CD163L1: variants seen among roughly 807,000 people sequenced by gnomAD.
The protein encoded by CD163L1 is CD163 molecule like 1, also known as scavenger receptor cysteine-rich type 1 protein M160.
CD163L1 carries 124 observed loss-of-function variants against 165.4 expected under a neutral mutation model. The observed-to-expected ratio is 0.75, with a 90% CI of 0.65 to 0.87. CD163L1 has a LOEUF of 0.87. CD163L1 is among the 40% of genes least tolerant of loss of function. The probability of loss-of-function intolerance (pLI) is 0.00; values close to 1 mark genes in which losing one functional copy is unlikely to be tolerated. For missense variants in CD163L1, 1,525 were observed against 1,799.9 expected (o/e 0.85, Z 2.76); for synonymous variants, 585 against 662.2 (o/e 0.88, Z 1.79).
the CD163L1 span, chr12:7,327,139 A>T: frequency 1.0e-5 from 16 of 1,546,144 alleles, no homozygotes; most frequent in Non-Finnish European, 1.4e-5. Flanking sequence ...TTACCAAACT[A>T]GGGTCTAAGC....
chr12:7,342,491 C>G (rs1272316177), downstream of CD163L1, among the ~76,000 whole-genome samples: 1 of 152,208 alleles, frequency 6.6e-6, no homozygotes. Flanking sequence ...GTTCGAGGCT[C>G]TCAGCTCTGA....
Position 7,368,176 on chromosome 12 carries a change from G to T in CD163L1, c.4094C>A (p.Ser1365Tyr), listed in dbSNP as rs1028328969. Residue 1365 changes from serine (S) to tyrosine (Y), a missense_variant, in exon 17 of 20, where the codon TCC becomes TAC. Transcript: ENST00000313599. The surrounding 1 kb of genome is among the most constrained non-coding windows in gnomAD (Gnocchi z 4.3). ...ASSGHLALIL[S>Y]SIFGLLLLVL... ...CAGGAGAAGGAGCCCAAAGATACTG[G>T]ATAAAATAAGTGCTAAATGACCTGT... The T allele has an allele frequency of 6.3e-7, 1 of 1,599,268 alleles. No homozygotes were observed. Among genetic ancestry groups the T allele is most frequent in the Non-Finnish European group, 8.6e-7 (1 of 1,166,914 alleles).
intron 2 of CD163L1, among the ~76,000 whole-genome samples, chr12:7,437,131 TTTTA>T (rs201003305): frequency 0.14 from 15,982 of 114,994 alleles, 1,647 homozygotes; most frequent in African/African-American, 0.38. Context: ...TTTTTATTTA[TTTTA>T]TTTATTATTT....
intron 18 of CD163L1, 97 bp from the exon 19 acceptor site, chr12:7,357,583 T>A (rs888622797): frequency 3.3e-6 from 3 of 917,724 alleles, no homozygotes; most frequent in African/African-American, 1.6e-5. Flanking sequence ...TGGGAAAGTA[T>A]AATAGAGCAA....
At chr12:7,434,221 C>G (rs375322190) in intron 2 of CD163L1, among the ~76,000 whole-genome samples, 208 of 152,116 alleles carry the variant, frequency 1.4e-3, no homozygotes, top group African/African-American at 4.9e-3. Flanking sequence ...CAACAATAGG[C>G]CTTGCAGGAG....
At chr12:7,397,083 A>G (rs7484514) in intron 7 of CD163L1, among the ~76,000 whole-genome samples, 13,944 of 152,266 alleles carry the variant, frequency 0.092, 844 homozygotes, top group South Asian at 0.18. Flanking sequence ...TAAAGAGGGC[A>G]CTGATAATCC....
intron 4 of CD163L1, among the ~76,000 whole-genome samples, chr12:7,425,376 A>T (rs1948523439): frequency 6.6e-6 from 1 of 152,226 alleles, no homozygotes. Context: ...AAAATCATAC[A>T]AACCCTAGAA....
the CD163L1 span, chr12:7,323,124 G>A: frequency 2.4e-5 from 23 of 955,340 alleles, no homozygotes; most frequent in African/African-American, 8.3e-5. Flanking sequence ...CAGAAGGTGC[G>A]CCTGCATACC....
chr12:7,380,372 T>C (rs7959098), intron 8 of CD163L1, among the ~76,000 whole-genome samples: 3,123 of 144,466 alleles, frequency 0.022, 45 homozygotes, highest in African/African-American at 0.044. Context: ...CGCGTATACA[T>C]ACATGTATGT....
At position 7,373,601 on chromosome 12, in the gene CD163L1, T is replaced by C; in HGVS notation, c.3449A>G (p.Glu1150Gly). The C allele has an allele frequency of 6.2e-7, 1 of 1,611,478 alleles. No homozygotes were observed. The highest frequency in any genetic ancestry group is 8.5e-7 in the Non-Finnish European group (1 of 1,177,958). ...ALRLYSETET[E>G]SCAGRLEVFY... is the part of the protein sequence containing the mutation. ...GACTTCCAATCTCCCAGCACAGCTCTCTGTTTCAGTTTCACTGTAGAGCCT... is the reference window on the plus strand; with the variant it reads ...GACTTCCAATCTCCCAGCACAGCTCCCTGTTTCAGTTTCACTGTAGAGCCT... Residue 1150 changes from glutamate (E) to glycine (G), a missense_variant, in exon 14 of 20, where the codon GAG (glutamate) becomes GGG (glycine). Glu to Gly is a moderately conservative substitution (Grantham distance 98, BLOSUM62 -2). Coordinates refer to ENST00000313599, the MANE Select transcript of CD163L1 (RefSeq NM_174941.6).
rs982333868 is a variant in CD163L1, at chr12:7,367,996, T to A, written c.4183+91A>T. ...AATCCATCTCACTCAAAGTGGCAAG[T>A]GCATTTCTTCCATTCTGCAAGAATC... On this transcript the variant is annotated intron_variant, in intron 17 of 19. Coordinates refer to ENST00000313599, the MANE Select transcript of CD163L1 (RefSeq NM_174941.6). 2.0e-5 allele frequency: 15 copies of A among 762,908 alleles called. No individual in the cohort carries two copies. In the East Asian group the frequency reaches 3.7e-4, roughly 19 times the overall value. The allele number at this position is 762,908 out of a possible 1,614,324, so 47.3% of individuals were successfully genotyped here. A position where few individuals can be genotyped will look rare whatever the true frequency, so the allele number is the denominator to read the frequency against.
chr12:7,399,245 TTCTC>T (rs1026520535), intron 6 of CD163L1, among the ~76,000 whole-genome samples: 2 of 151,136 alleles, frequency 1.3e-5, no homozygotes, highest in Admixed American at 6.6e-5. Flanking sequence ...TCATTCTTCT[TTCTC>T]TCTCTTCTTT....
rs773444567 is a variant in CD163L1 at position 7,375,436 on chromosome 12, G to T, written c.2846C>A (p.Thr949Asn). The change falls in exon 11 of 20, where the codon ACC (threonine) becomes AAC (asparagine). Residue 949 changes from threonine (T) to asparagine (N), a missense_variant. Physicochemically the swap from Thr to Asn is moderately conservative, Grantham distance 65. Coordinates refer to ENST00000313599, the MANE Select transcript of CD163L1 (RefSeq NM_174941.6). ...RQLSCGTALS[T>N]TGGKYIGERS... is the part of the protein sequence containing the mutation. The stretch of plus-strand genomic sequence containing the variant: ...TTCTCCAATATATTTTCCTCCTGTG[G>T]TTGAGAGAGCAGTCCCACAGCTGAG... 1 of 1,614,168 alleles carries T rather than the reference G, an allele frequency of 6.2e-7. No homozygotes were observed. Among genetic ancestry groups the T allele is most frequent in the Non-Finnish European group, 8.5e-7 (1 of 1,180,034 alleles).
intron 18 of CD163L1, among the ~76,000 whole-genome samples, chr12:7,363,563 A>G (rs1003084180): frequency 3.9e-5 from 6 of 152,014 alleles, no homozygotes; most frequent in African/African-American, 1.4e-4. Flanking sequence ...GAAAACTCAA[A>G]TAAATAAAAT....
chr12:7,379,140 T>A lies in CD163L1; in HGVS notation c.2209A>T (p.Ile737Phe), dbSNP rs774662722. The A allele has an allele frequency of 6.2e-7, 1 of 1,614,178 alleles. No individual in the cohort carries two copies. The highest frequency in any genetic ancestry group is 8.5e-7 in the Non-Finnish European group (1 of 1,180,016). Residue 737 changes from isoleucine to phenylalanine, a missense_variant, in exon 9 of 20, where the codon ATC becomes TTC. Ile to Phe is a conservative substitution (Grantham distance 21). Transcript: ENST00000313599. Reference sequence around the variant, plus strand: ...AAATGAGGCTCTCTGGAGACCCTGATTGCAGACCCACATTCAAGTTGCCTG... The same window carrying A: ...AAATGAGGCTCTCTGGAGACCCTGAATGCAGACCCACATTCAAGTTGCCTG... ...VCRQLECGSA[I>F]RVSREPHFTE...
chr12:7,341,716 G>A (rs995689815), downstream of CD163L1, among the ~76,000 whole-genome samples: 4 of 152,074 alleles, frequency 2.6e-5, no homozygotes, highest in African/African-American at 7.2e-5. Flanking sequence ...GATGGGAAAC[G>A]ACCCATTACT....
intron 5 of CD163L1, among the ~76,000 whole-genome samples, chr12:7,404,602 T>C (rs1219481880): frequency 6.6e-6 from 1 of 152,172 alleles, no homozygotes; most frequent in African/African-American, 2.4e-5. Flanking sequence ...CTTGAAATAA[T>C]TGAGGAAAGG....
chr12:7,397,407 T>C (rs1375064407), intron 7 of CD163L1, among the ~76,000 whole-genome samples: 2 of 152,180 alleles, frequency 1.3e-5, no homozygotes, highest in East Asian at 3.8e-4. Flanking sequence ...CTTCACCTGG[T>C]AAGGTACTGA....
chr12:7,390,739 C>T (rs1449975610), intron 8 of CD163L1, among the ~76,000 whole-genome samples: 1 of 152,118 alleles, frequency 6.6e-6, no homozygotes, highest in Admixed American at 6.5e-5. Flanking sequence ...ATTCATTCAT[C>T]TTAGAAAAGA....
Sources: gnomAD v4.1 joint callset for allele counts (sites outside exome capture counted in the v4.1 genomes callset) on GRCh38, gnomAD v4.1.1 for gene constraint, Gnocchi (gnomAD v3.1) non-coding constraint, MANE v1.5 for transcripts, NCBI Gene and HGNC (gene_info 2026-07-23, HGNC 2026-07-21) for gene names.